ATP10B: variants seen among roughly 807,000 people sequenced by gnomAD.
The protein encoded by ATP10B is phospholipid-transporting ATPase VB.
ATP10B carries 122 observed loss-of-function variants against 141.2 expected under a neutral mutation model. The ratio of observed to expected loss-of-function variants is 0.86; its 90% CI spans 0.75 to 1.00. The LOEUF (loss-of-function observed/expected upper bound fraction) is 1.00, where lower values mean the gene tolerates loss of function less well. ATP10B is among the 50% of genes least tolerant of loss of function. ATP10B has a pLI of 0.00. For missense variants in ATP10B, 1,876 were observed against 1,825.3 expected (o/e 1.03, Z -0.51); for synonymous variants, 685 against 692.0 (o/e 0.99, Z 0.16).
chr5:160,752,790 A>G (rs1768246591), intron 2 of ATP10B, among the ~76,000 whole-genome samples: 1 of 152,220 alleles, frequency 6.6e-6, no homozygotes, highest in Non-Finnish European at 1.5e-5. Context: ...CAGTGAAGAA[A>G]GTAACTTTAG....
chr5:160,838,615 A>C lies in ATP10B; in HGVS notation c.-576+13326T>G, dbSNP rs568333673. On this transcript the variant is annotated intron_variant, in intron 1 of 25. Transcript: ENST00000327245. ...GCCTTCAGAATCTACCTGTGATTTT[A>C]ATGAATAATGGTTAGTAATGTACAT... Among the ~76,000 whole-genome samples the C allele has an allele frequency of 4.5e-4, 68 of 152,344 alleles. 1 individual carries two copies. The highest frequency in any genetic ancestry group is 4.4e-3 in the Admixed American group (68 of 15,290).
At chr5:160,679,710 G>T (rs1208113682) in intron 6 of ATP10B, among the ~76,000 whole-genome samples, 5 of 152,200 alleles carry the variant, frequency 3.3e-5, no homozygotes, top group Admixed American at 6.5e-5. Context: ...ACTAAGTCTT[G>T]AATTAAAATT....
chr5:160,665,379 C>T lies in ATP10B; in HGVS notation c.675+5084G>A, dbSNP rs146579311. 2.6e-5 allele frequency among the ~76,000 whole-genome samples: 4 copies of T among 152,342 alleles called. No homozygotes were observed. In the East Asian group the frequency reaches 7.7e-4, roughly 29 times the overall value. ...TACCCTTCACCTGTTGTGACCATGT[C>T]TGTACCACAATTCAGGCTAATATTT... On this transcript the variant is annotated intron_variant, in intron 7 of 25. Coordinates refer to ENST00000327245, the MANE Select transcript of ATP10B (RefSeq NM_025153.3).
chr5:160,771,136 G>A (rs890490132), intron 2 of ATP10B, among the ~76,000 whole-genome samples: 11 of 152,122 alleles, frequency 7.2e-5, no homozygotes, highest in African/African-American at 2.7e-4. Context: ...GCCTGTAGGT[G>A]GTGAGTTTGT....
rs1023514227 is a variant in ATP10B, at chr5:160,703,795, G to C, written c.-205+13114C>G. Among the ~76,000 whole-genome samples, 53 of 152,234 alleles carry C rather than the reference G, an allele frequency of 3.5e-4. 1 individual carries two copies. The highest frequency in any genetic ancestry group is 1.3e-3 in the African/African-American group (52 of 41,554). The stretch of plus-strand genomic sequence containing the variant: ...TGATGTTATGGCTGTTAACTGATAA[G>C]GGGGGTGGTGACTGCAGCCTTATGA... On this transcript the variant is annotated intron_variant, in intron 3 of 25. Coordinates refer to ENST00000327245, the MANE Select transcript of ATP10B (RefSeq NM_025153.3).
intron 7 of ATP10B, among the ~76,000 whole-genome samples, chr5:160,668,307 T>C (rs1057261677): frequency 6.6e-6 from 1 of 151,850 alleles, no homozygotes. Context: ...GGTGTCATTC[T>C]TACATACTCA....
chr5:160,823,706 C>A (rs1039873945), intron 1 of ATP10B, among the ~76,000 whole-genome samples: 3 of 151,982 alleles, frequency 2.0e-5, no homozygotes, highest in African/African-American at 7.2e-5. Flanking sequence ...TGGTGGCAGC[C>A]GCCTGTAGTC....
intron 6 of ATP10B, among the ~76,000 whole-genome samples, chr5:160,683,031 T>C (rs1581348511): frequency 1.4e-5 from 1 of 69,810 alleles, no homozygotes; most frequent in African/African-American, 5.5e-5. Flanking sequence ...AGACCAAGAC[T>C]CTGTCCCCCA....
chr5:160,748,262 G>T (rs998168265), intron 2 of ATP10B, among the ~76,000 whole-genome samples: 1 of 152,126 alleles, frequency 6.6e-6, no homozygotes, highest in Non-Finnish European at 1.5e-5. Flanking sequence ...ACTTTAACAG[G>T]CTTCTTAACA....
chr5:160,814,145 C>G (rs1773402023), intron 1 of ATP10B, among the ~76,000 whole-genome samples: 1 of 152,084 alleles, frequency 6.6e-6, no homozygotes, highest in Non-Finnish European at 1.5e-5. Context: ...ATGACTTTGA[C>G]AAGTTGAGAG....
the ATP10B span, among the ~76,000 whole-genome samples, chr5:160,916,261 G>T: frequency 1.3e-5 from 2 of 152,220 alleles, no homozygotes; most frequent in Non-Finnish European, 2.9e-5. Context: ...AGTACACAAG[G>T]CTGAGAATCA....
At chr5:160,826,330 A>G (rs570678649) in intron 1 of ATP10B, among the ~76,000 whole-genome samples, 1 of 152,278 alleles carries the variant, frequency 6.6e-6, no homozygotes, top group Admixed American at 6.5e-5. Flanking sequence ...GAACAGAAGG[A>G]CCAGCTGGAG....
chr5:160,672,391 T>C (rs893255536), intron 6 of ATP10B, among the ~76,000 whole-genome samples: 1 of 152,200 alleles, frequency 6.6e-6, no homozygotes, highest in Non-Finnish European at 1.5e-5. Flanking sequence ...TACCATTCTT[T>C]AAATATTTTA....
chr5:160,702,419 C>G (rs188611759), intron 3 of ATP10B, among the ~76,000 whole-genome samples: 2 of 152,166 alleles, frequency 1.3e-5, no homozygotes, highest in Admixed American at 1.3e-4. Context: ...ACATTTTAAG[C>G]AAAACAACCA....
At chr5:160,772,072 C>T (rs1769944673) in intron 2 of ATP10B, among the ~76,000 whole-genome samples, 1 of 152,206 alleles carries the variant, frequency 6.6e-6, no homozygotes, top group African/African-American at 2.4e-5. Context: ...ATGAGTAGCG[C>T]TGCAGTGAAC....
chr5:160,633,324 C>T (rs751085075), intron 12 of ATP10B: 12 of 152,076 alleles, frequency 7.9e-5, no homozygotes, highest in South Asian at 2.1e-4. Context: ...TGCCCATCAG[C>T]GATAGACTGG....
intron 25 of ATP10B, among the ~76,000 whole-genome samples, chr5:160,568,153 C>A (rs1462309543): frequency 6.6e-6 from 1 of 152,084 alleles, no homozygotes; most frequent in Non-Finnish European, 1.5e-5. Context: ...TTAGAAATGT[C>A]TCCCAGTTTC....
At chr5:160,605,658 C>A (rs114757740) in intron 19 of ATP10B, among the ~76,000 whole-genome samples, 1 of 152,158 alleles carries the variant, frequency 6.6e-6, no homozygotes. Context: ...AAACCAGGAA[C>A]AAAACCATCA....
In ATP10B at chr5:160,565,572, A is replaced by G. The variant is rs745647267; in HGVS notation, c.4267T>C (p.Ser1423Pro). 3 of 1,613,920 alleles carry G rather than the reference A, an allele frequency of 1.9e-6. No individual in the cohort carries two copies. The highest frequency in any genetic ancestry group is 2.5e-6 in the Non-Finnish European group (3 of 1,179,976). The change falls in exon 26 of 26, where the codon TCC becomes CCC. Residue 1423 changes from serine (S) to proline (P), a missense_variant. Physicochemically the swap from Ser to Pro is moderately conservative, Grantham distance 74 (BLOSUM62 -1). Transcript: ENST00000327245. ...TTAGGTCCCAGCAGGTGCTCCCCGG[A>G]TGAGAGTTGAGCTGAGGAGTCCCCT... ...CSGDSSAQLS[S>P]GEHLLGPNRI...
Sources: allele counts gnomAD v4.1 joint callset (sites outside exome capture counted in the v4.1 genomes callset), GRCh38; gene constraint gnomAD v4.1.1; transcripts MANE v1.5; gene names NCBI Gene and HGNC (gene_info 2026-07-23, HGNC 2026-07-21).